FAM117A: variants seen among roughly 807,000 people sequenced by gnomAD.
The protein encoded by FAM117A is family with sequence similarity 117 member A.
In FAM117A, 21 loss-of-function variants were observed where a neutral mutation model predicts 44.1. That is an observed-to-expected ratio of 0.48 (90% CI 0.34 to 0.69). The LOEUF is 0.69. Ranked by LOEUF, FAM117A falls within the 30% of genes least tolerant of loss-of-function variation. The pLI, the probability that FAM117A is intolerant of heterozygous loss-of-function variation, is 0.01. For synonymous variants in FAM117A, 220 were observed against 238.3 expected (o/e 0.92, Z 0.71); for missense variants, 498 against 589.9 (o/e 0.84, Z 1.61).
intron 1 of FAM117A, among the ~76,000 whole-genome samples, chr17:49,781,990 A>G (rs1037562847): frequency 2.0e-5 from 3 of 151,772 alleles, no homozygotes; most frequent in Admixed American, 6.6e-5. Context: ...AAATAAAATA[A>G]AATTTCATGT....
chr17:49,760,440 G>A (rs887771021), intron 1 of FAM117A, among the ~76,000 whole-genome samples: 2 of 152,110 alleles, frequency 1.3e-5, no homozygotes, highest in African/African-American at 4.8e-5. Flanking sequence ...CAGCACAAAA[G>A]CAGCCCTAGA....
rs1449512910 is a variant in FAM117A at position 49,732,524 on chromosome 17, T to G, written c.366+27A>C. The G allele has an allele frequency of 2.5e-6, 4 of 1,612,772 alleles. No homozygotes were observed. The African/African-American group carries it at 5.3e-5, about 22-fold the overall frequency. ...GCTCTCCCGCCCCATCCTTATCCCT[T>G]ATCCCATCAGGAGAGAGCTTCATTA... On this transcript the variant is annotated intron_variant, in intron 2 of 7. Transcript: ENST00000240364.
At chr17:49,761,802 T>C (rs2073723395) in intron 1 of FAM117A, among the ~76,000 whole-genome samples, 1 of 152,224 alleles carries the variant, frequency 6.6e-6, no homozygotes, top group Admixed American at 6.5e-5. Context: ...AGAGGCCAGG[T>C]ACATTCCCCT....
Position 49,717,069 on chromosome 17 carries a change from TA to T in FAM117A, c.910+443del, listed in dbSNP as rs1028712494. 2.0e-3 allele frequency among the ~76,000 whole-genome samples: 294 copies of T among 144,642 alleles called. 1 individual carries two copies. The highest frequency in any genetic ancestry group is 5.3e-3 in the African/African-American group (209 of 39,702). 94.9% of individuals were successfully genotyped at this position (144,642 alleles called of 152,430 possible). ...CATTGTAGAAAATAGAGATTTGGAG[TA>T]AAAAAAAAAAATGAGTTTTGGTCTG... On this transcript the variant is annotated intron_variant, in intron 6 of 7. Transcript: ENST00000240364.
In FAM117A at chr17:49,722,527, G is replaced by A; in HGVS notation, c.434C>T (p.Ser145Phe). 2 of 1,613,952 alleles carry A rather than the reference G, an allele frequency of 1.2e-6. No individual in the cohort carries two copies. Among genetic ancestry groups the A allele is most frequent in the Non-Finnish European group, 1.7e-6 (2 of 1,179,956 alleles). ...ASSCAHKRSA[S>F]WGSTDHRKEI... ...TTTTCGGTGGTCTGTGCTGCCCCAG[G>A]ATGCTGAGCGCTTGTGTGCACAGGA... The change falls in exon 3 of 8, where the codon TCC becomes TTC. Residue 145 changes from serine to phenylalanine, a missense_variant. Transcript: ENST00000240364.
In FAM117A at chr17:49,720,391, T is replaced by G; in HGVS notation, c.508A>C (p.Ser170Arg). The G allele has an allele frequency of 6.2e-7, 1 of 1,613,860 alleles. No homozygotes were observed. Among genetic ancestry groups the G allele is most frequent in the South Asian group, 1.1e-5 (1 of 91,086 alleles). Residue 170 changes from serine (S) to arginine (R), a missense_variant, in exon 4 of 8, where the codon AGT becomes CGT. Physicochemically the swap from Ser to Arg is moderately radical, Grantham distance 110. Coordinates refer to ENST00000240364, the MANE Select transcript of FAM117A (RefSeq NM_030802.4). ...QQLQRTKLSR[S>R]GKEKERGSPL... ...GAACCTCGCTCCTTCTCTTTCCCAC[T>G]GCGGCTCAGCTTCGTCCTCTGCAGT... is the stretch of plus-strand genomic sequence containing the variant.
chr17:49,779,502 G>A (rs892744143), intron 1 of FAM117A, among the ~76,000 whole-genome samples: 2 of 152,202 alleles, frequency 1.3e-5, no homozygotes, highest in South Asian at 2.1e-4. Context: ...TGGGTGGAGT[G>A]CTTTGCCTGA....
chr17:49,739,878 C>T (rs1310092780), intron 1 of FAM117A, among the ~76,000 whole-genome samples: 1 of 152,220 alleles, frequency 6.6e-6, no homozygotes, highest in East Asian at 1.9e-4. Flanking sequence ...CATGCAGCAG[C>T]CTCCACAGCC....
At chr17:49,715,872 GA>G (rs1024591471) in intron 7 of FAM117A, among the ~76,000 whole-genome samples, 1 of 152,028 alleles carries the variant, frequency 6.6e-6, no homozygotes, top group African/African-American at 2.4e-5. Flanking sequence ...CCCGGAGATG[GA>G]AAAAAATAGA....
chr17:49,731,374 G>T (rs1340651763), intron 2 of FAM117A, among the ~76,000 whole-genome samples: 1 of 152,236 alleles, frequency 6.6e-6, no homozygotes, highest in Non-Finnish European at 1.5e-5. Flanking sequence ...TCAAAAGGGA[G>T]ATTTGACTCT....
In FAM117A at chr17:49,764,098, G is replaced by A; in HGVS notation, c.-11C>T. 8.0e-7 allele frequency: 1 copy of A among 1,256,646 alleles called. No individual in the cohort carries two copies. Among genetic ancestry groups the A allele is most frequent in the Non-Finnish European group, 1.0e-6 (1 of 993,492 alleles). The allele number at this position is 1,256,646 out of a possible 1,614,324, so 77.8% of individuals were successfully genotyped here. A position where few individuals can be genotyped will look rare whatever the true frequency, so the allele number is the denominator to read the frequency against. Reference sequence around the variant, plus strand: ...TGCGGCCCCCGCCATGGCTCTCCCGGCTGCCTGCCTCAGCCCCACTGCGAG... The same window carrying A: ...TGCGGCCCCCGCCATGGCTCTCCCGACTGCCTGCCTCAGCCCCACTGCGAG... On this transcript the variant is annotated 5_prime_UTR_variant, in exon 1 of 8. Coordinates refer to ENST00000240364, the MANE Select transcript of FAM117A (RefSeq NM_030802.4).
chr17:49,725,768 A>T (rs1467096465), intron 2 of FAM117A, among the ~76,000 whole-genome samples: 1 of 152,264 alleles, frequency 6.6e-6, no homozygotes, highest in Non-Finnish European at 1.5e-5. Flanking sequence ...GTTACCTTGT[A>T]TAGTAACGTT....
At chr17:49,718,219 AT>A (rs2073514414) in intron 5 of FAM117A, among the ~76,000 whole-genome samples, 1 of 152,246 alleles carries the variant, frequency 6.6e-6, no homozygotes, top group African/African-American at 2.4e-5. Context: ...AGCTCACCAA[AT>A]TATGTGCATG....
chr17:49,731,587 A>G (rs536320695), intron 2 of FAM117A, among the ~76,000 whole-genome samples: 12 of 152,302 alleles, frequency 7.9e-5, no homozygotes, highest in Non-Finnish European at 1.8e-4. Context: ...CTGGCTCCCC[A>G]GTCCTTGAAT....
At chr17:49,774,572 A>T (rs1237288306) in intron 1 of FAM117A, among the ~76,000 whole-genome samples, 2 of 151,418 alleles carry the variant, frequency 1.3e-5, no homozygotes, top group Non-Finnish European at 2.9e-5. Flanking sequence ...GTTGGCCAGG[A>T]TGGGCTCAAA....
chr17:49,723,257 T>C (rs2073543764), intron 2 of FAM117A, among the ~76,000 whole-genome samples: 1 of 152,036 alleles, frequency 6.6e-6, no homozygotes, highest in Non-Finnish European at 1.5e-5. Flanking sequence ...CCAGCCCTGA[T>C]TCCTGATCCC....
intron 1 of FAM117A, among the ~76,000 whole-genome samples, chr17:49,775,850 C>T (rs963724555): frequency 6.6e-6 from 1 of 152,168 alleles, no homozygotes; most frequent in Non-Finnish European, 1.5e-5. Context: ...AAGCTCTGTC[C>T]AACTCTCTGG....
At chr17:49,782,511 G>A (rs772627464) in intron 1 of FAM117A, among the ~76,000 whole-genome samples, 5 of 151,392 alleles carry the variant, frequency 3.3e-5, no homozygotes, top group African/African-American at 4.9e-5. Flanking sequence ...GCAACATGGT[G>A]AAATGCTGTC....
chr17:49,727,031 G>A (rs1389831810), intron 2 of FAM117A, among the ~76,000 whole-genome samples: 2 of 151,946 alleles, frequency 1.3e-5, no homozygotes, highest in Non-Finnish European at 2.9e-5. Flanking sequence ...GCCACAACAG[G>A]GGTCACACCA....
Sources: gnomAD v4.1 joint callset for allele counts (sites outside exome capture counted in the v4.1 genomes callset) on GRCh38, gnomAD v4.1.1 for gene constraint, MANE v1.5 for transcripts, NCBI Gene and HGNC (gene_info 2026-07-23, HGNC 2026-07-21) for gene names.